Variants in DSCAM observed in about 807,000 individuals in gnomAD.
DSCAM encodes DS cell adhesion molecule, also known as cell adhesion molecule DSCAM.
A neutral mutation model predicts 217.7 loss-of-function variants in DSCAM; 47 were observed. That is an observed-to-expected ratio of 0.22 (90% CI 0.17 to 0.28). The LOEUF is 0.28. Among genes scored for constraint, DSCAM ranks in the 10% least tolerant of loss-of-function variants. The pLI, the probability that DSCAM is intolerant of heterozygous loss-of-function variation, is 1.00. For missense variants in DSCAM, 2,080 were observed against 2,618.3 expected (o/e 0.79, Z 4.49); for synonymous variants, 1,056 against 1,015.3 (o/e 1.04, Z -0.76).
intron 1 of DSCAM, among the ~76,000 whole-genome samples, chr21:40,770,502 T>G (rs917820919): frequency 5.3e-5 from 8 of 152,166 alleles, no homozygotes; most frequent in Non-Finnish European, 1.0e-4. Context: ...TATTCGAGTT[T>G]TTTCCATGGA....
chr21:40,699,156 C>T (rs1400953902), intron 2 of DSCAM, among the ~76,000 whole-genome samples: 2 of 151,842 alleles, frequency 1.3e-5, no homozygotes, highest in Non-Finnish European at 2.9e-5. Context: ...ATATCTGTTA[C>T]GGTGATCATT....
chr21:40,487,109 T>C (rs1468473556), intron 3 of DSCAM, among the ~76,000 whole-genome samples: 3 of 152,066 alleles, frequency 2.0e-5, no homozygotes, highest in Admixed American at 6.5e-5. Context: ...AGCACAAAGG[T>C]TTGATCCTTT....
intron 1 of DSCAM, among the ~76,000 whole-genome samples, chr21:40,832,536 G>C (rs2092020336): frequency 1.3e-5 from 2 of 152,178 alleles, no homozygotes; most frequent in Non-Finnish European, 2.9e-5. Context: ...TGGCCCAGGG[G>C]TTCTTAGGAT....
chr21:40,421,671 G>T (rs1248475686), intron 3 of DSCAM, among the ~76,000 whole-genome samples: 1 of 152,212 alleles, frequency 6.6e-6, no homozygotes, highest in Admixed American at 6.5e-5. Flanking sequence ...TGGCTCTCAG[G>T]AGAGATAAAC....
chr21:40,520,378 A>G (rs2076349270), intron 3 of DSCAM, among the ~76,000 whole-genome samples: 1 of 152,216 alleles, frequency 6.6e-6, no homozygotes, highest in Admixed American at 6.5e-5. Context: ...TATCTTCCAG[A>G]AAATATGCTT....
intron 14 of DSCAM, among the ~76,000 whole-genome samples, chr21:40,182,017 G>A (rs186970752): frequency 3.7e-3 from 568 of 152,186 alleles, no homozygotes; most frequent in Non-Finnish European, 5.9e-3. Flanking sequence ...GTGAGACTGC[G>A]CTGGGTGCTT....
chr21:40,209,985 C>G (rs746302517), intron 11 of DSCAM, among the ~76,000 whole-genome samples: 1 of 152,186 alleles, frequency 6.6e-6, no homozygotes, highest in Non-Finnish European at 1.5e-5. Context: ...AAAGTTAAGA[C>G]GTTTTATAAT....
intron 32 of DSCAM, among the ~76,000 whole-genome samples, chr21:40,021,639 A>C (rs1385482248): frequency 6.6e-6 from 1 of 152,114 alleles, no homozygotes; most frequent in Non-Finnish European, 1.5e-5. Flanking sequence ...ATTTGACATC[A>C]TGCTTCATTT....
intron 3 of DSCAM, among the ~76,000 whole-genome samples, chr21:40,582,492 A>G (rs1427197171): frequency 6.6e-6 from 1 of 152,224 alleles, no homozygotes; most frequent in African/African-American, 2.4e-5. Context: ...GTTATGTATT[A>G]TAAATATATA....
intron 8 of DSCAM, among the ~76,000 whole-genome samples, chr21:40,316,759 C>G (rs1402092248): frequency 6.6e-6 from 1 of 152,084 alleles, no homozygotes; most frequent in Non-Finnish European, 1.5e-5. Flanking sequence ...TCCTAGGCAG[C>G]TCAGAGCCAT....
At chr21:40,696,137 G>C (rs2090592742) in intron 2 of DSCAM, among the ~76,000 whole-genome samples, 1 of 152,144 alleles carries the variant, frequency 6.6e-6, no homozygotes, top group East Asian at 1.9e-4. Flanking sequence ...TTATAAGACA[G>C]AGTATTATCT....
chr21:40,182,612 CA>C (rs1446332249), intron 14 of DSCAM, among the ~76,000 whole-genome samples: 2 of 118,502 alleles, frequency 1.7e-5, no homozygotes, highest in Admixed American at 9.4e-5. Flanking sequence ...AAACCGTGGA[CA>C]GAACGGGCCA....
intron 3 of DSCAM, among the ~76,000 whole-genome samples, chr21:40,477,023 G>C (rs1422382258): frequency 6.6e-6 from 1 of 152,132 alleles, no homozygotes; most frequent in Admixed American, 6.6e-5. Flanking sequence ...GAATATTTGG[G>C]AAGAGCTCAA....
At chr21:40,467,041 G>C (rs1233481760) in intron 3 of DSCAM, among the ~76,000 whole-genome samples, 1 of 152,096 alleles carries the variant, frequency 6.6e-6, no homozygotes, top group Non-Finnish European at 1.5e-5. Context: ...TGAGAACCTA[G>C]AACATAAGCC....
At chr21:40,031,540 A>ATGGGT (rs1353601150) in intron 32 of DSCAM, among the ~76,000 whole-genome samples, 1 of 152,194 alleles carries the variant, frequency 6.6e-6, no homozygotes, top group African/African-American at 2.4e-5. Flanking sequence ...ACTGCAGGCA[A>ATGGGT]TGGGTTCTGA....
At chr21:40,317,038 G>A (rs1216437986) in intron 8 of DSCAM, among the ~76,000 whole-genome samples, 1 of 152,148 alleles carries the variant, frequency 6.6e-6, no homozygotes, top group Non-Finnish European at 1.5e-5. Flanking sequence ...CATGTGTAAC[G>A]AGGTGATAAT....
chr21:40,402,227 C>T (rs992712021), intron 3 of DSCAM, among the ~76,000 whole-genome samples: 9 of 151,202 alleles, frequency 6.0e-5, no homozygotes, highest in Non-Finnish European at 1.0e-4. Context: ...CCACCACGCC[C>T]GGCTAATTTT....
chr21:40,114,790 G>T (rs2089946866), intron 20 of DSCAM, among the ~76,000 whole-genome samples: 2 of 152,338 alleles, frequency 1.3e-5, no homozygotes, highest in African/African-American at 4.8e-5. Flanking sequence ...AGACATTTAT[G>T]CAGCCAAAAG....
At chr21:40,257,812 A>G (rs963437550) in intron 11 of DSCAM, among the ~76,000 whole-genome samples, 3 of 152,162 alleles carry the variant, frequency 2.0e-5, no homozygotes, top group Non-Finnish European at 4.4e-5. Flanking sequence ...CCAAGGTAGC[A>G]CAGAGGTGGC....
Sources: gnomAD v4.1 joint callset for allele counts (sites outside exome capture counted in the v4.1 genomes callset) on GRCh38, gnomAD v4.1.1 for gene constraint, MANE v1.5 for transcripts, NCBI Gene and HGNC (gene_info 2026-07-23, HGNC 2026-07-21) for gene names.